Variants in HERC1 observed in about 807,000 individuals in gnomAD.
HERC1 encodes the protein probable E3 ubiquitin-protein ligase HERC1.
A neutral mutation model predicts 554.3 loss-of-function variants in HERC1; 160 were observed. The ratio of observed to expected loss-of-function variants is 0.29; its 90% CI spans 0.25 to 0.33. HERC1 has a LOEUF of 0.33. Among genes scored for constraint, HERC1 ranks in the 10% least tolerant of loss-of-function variants. The pLI, the probability that HERC1 is intolerant of heterozygous loss-of-function variation, is 1.00. For missense variants in HERC1, 4,919 were observed against 5,918.5 expected (o/e 0.83, Z 5.54); for synonymous variants, 2,175 against 2,131.7 (o/e 1.02, Z -0.56).
At position 63,638,581 on chromosome 15, in the gene HERC1, C is replaced by CAT. The variant is rs1404238846; in HGVS notation, c.11968-46_11968-45insAT. 3.1e-6 allele frequency: 5 copies of CAT among 1,613,078 alleles called. No homozygotes were observed. In the African/African-American group the frequency reaches 6.7e-5, roughly 22 times the overall value. ...TCAAAATTAGAGTCATCCATTCACT[C>CAT]AAACAGCCATGTACTACGTACCAAG... On this transcript the variant is annotated intron_variant, in intron 62 of 77. Coordinates refer to ENST00000443617, the MANE Select transcript of HERC1 (RefSeq NM_003922.4).
Position 63,758,128 on chromosome 15 carries a change from T to A in HERC1, c.1221+47A>T. 3 of 1,349,944 alleles carry A rather than the reference T, an allele frequency of 2.2e-6. No individual in the cohort carries two copies. Among genetic ancestry groups the A allele is most frequent in the Non-Finnish European group, 3.1e-6 (3 of 956,598 alleles). 83.6% of individuals were successfully genotyped at this position (1,349,944 alleles called of 1,614,324 possible). On this transcript the variant is annotated intron_variant, in intron 4 of 77. Coordinates refer to ENST00000443617, the MANE Select transcript of HERC1 (RefSeq NM_003922.4). The surrounding 1 kb of genome is among the most constrained non-coding windows in gnomAD (Gnocchi z 4.0). ...ATTATTTAATGCAAATAAGCATGAA[T>A]ATACACCAGATTATCTACCAGTTTG...
At chr15:63,631,196 C>T (rs759482009) in intron 68 of HERC1, among the ~76,000 whole-genome samples, 15 of 152,174 alleles carry the variant, frequency 9.9e-5, no homozygotes, top group Non-Finnish European at 1.8e-4. Flanking sequence ...TTGTCTTGTC[C>T]TCAAACTTCC....
At chr15:63,710,616 G>A (rs2073242988) in intron 24 of HERC1, among the ~76,000 whole-genome samples, 1 of 152,128 alleles carries the variant, frequency 6.6e-6, no homozygotes, top group African/African-American at 2.4e-5. Flanking sequence ...TACAGTAAGT[G>A]ATCGGTGCCC....
rs773725135 is a variant in HERC1 at position 63,753,021 on chromosome 15, T to G, written c.1839A>C (p.Gly613=). The G allele has an allele frequency of 2.7e-5, 43 of 1,613,474 alleles. No homozygotes were observed. Among genetic ancestry groups the G allele is most frequent in the African/African-American group, 4.0e-5 (3 of 74,920 alleles). ...CAGCACAAACTTTGCGAATGAACAT[T>G]CCTTGTAAAGCTTCAATAACTTTAG... ...YKPKVIEALQ[G]MFIRKVCAGS... Residue 613 remains glycine (G), a synonymous_variant, in exon 8 of 78, where the codon GGA becomes GGC. Transcript: ENST00000443617.
intron 71 of HERC1, among the ~76,000 whole-genome samples, chr15:63,624,803 A>G (rs1425566187): frequency 6.6e-6 from 1 of 152,372 alleles, no homozygotes; most frequent in Admixed American, 6.5e-5. Flanking sequence ...TTTTCTTCTG[A>G]TAAAATATAT....
chr15:63,828,600 A>C (rs1366211423), intron 1 of HERC1, among the ~76,000 whole-genome samples: 10 of 152,242 alleles, frequency 6.6e-5, no homozygotes, highest in Non-Finnish European at 1.5e-5. Flanking sequence ...CGGCCTCCCA[A>C]AGTGCTGGGA....
chr15:63,656,353 G>GA lies in HERC1; in HGVS notation c.9604dup (p.Ser3202PhefsTer4). The GA allele has an allele frequency of 6.2e-7, 1 of 1,605,824 alleles. No homozygotes were observed. The highest frequency in any genetic ancestry group is 8.5e-7 in the Non-Finnish European group (1 of 1,174,240). On this transcript the variant is annotated frameshift_variant, in exon 49 of 78. Coordinates refer to ENST00000443617, the MANE Select transcript of HERC1 (RefSeq NM_003922.4). LOFTEE classifies it high-confidence loss of function. Reference sequence around the variant, plus strand: ...AAGACCAGCAGCCAGGCTACAACTGGAACCACTGCCAGTAAAGAAAAACAT... The same window carrying GA: ...AAGACCAGCAGCCAGGCTACAACTGGAAACCACTGCCAGTAAAGAAAAACAT...
In HERC1 at chr15:63,655,960, A is replaced by G. The variant is rs779525626; in HGVS notation, c.9871-5T>C. On this transcript the variant is annotated splice_region_variant and splice_polypyrimidine_tract_variant and intron_variant, in intron 49 of 77. Transcript: ENST00000443617. ...TGTTGCAGCAGAAATCAAGTTCTGA[A>G]GAAGCAATTGGAAAAACAGACTTAA... The G allele has an allele frequency of 1.2e-6, 2 of 1,608,214 alleles. No homozygotes were observed. The highest frequency in any genetic ancestry group is 3.4e-5 in the Admixed American group (2 of 59,380).
chr15:63,716,495 T>G, intron 21 of HERC1, 22 bp from the exon 22 acceptor site: 9 of 1,535,668 alleles, frequency 5.9e-6, no homozygotes, highest in Non-Finnish European at 7.9e-6. Flanking sequence ...TATCAGAAAC[T>G]ACACTAAATA....
chr15:63,748,722 T>C (rs1053259052), intron 10 of HERC1, among the ~76,000 whole-genome samples: 2 of 152,196 alleles, frequency 1.3e-5, no homozygotes, highest in African/African-American at 2.4e-5. Flanking sequence ...TAGAGTATCA[T>C]TTTAAAACCC....
chr15:63,764,378 G>A (rs2075706888), intron 2 of HERC1, among the ~76,000 whole-genome samples, 187 bp from the exon 3 acceptor site: 1 of 152,170 alleles, frequency 6.6e-6, no homozygotes, highest in African/African-American at 2.4e-5. Context: ...AAACGAGCTG[G>A]CTACTGCATC....
chr15:63,622,350 T>A (rs2068116455), intron 74 of HERC1, among the ~76,000 whole-genome samples: 1 of 127,580 alleles, frequency 7.8e-6, no homozygotes, highest in African/African-American at 3.0e-5. Context: ...TTTTTTGAGA[T>A]GTGGTCTCGC....
At chr15:63,675,260 AAC>A (rs1304167329) in intron 37 of HERC1, 143 bp from the exon 38 acceptor site, 1 of 629,936 alleles carries the variant, frequency 1.6e-6, no homozygotes, top group Non-Finnish European at 2.5e-6. Context: ...AATCATTACA[AAC>A]ACAGAGAAAA....
At chr15:63,615,658 A>G (rs1389366049) in intron 76 of HERC1, 110 bp downstream of exon 76, 1 of 707,538 alleles carries the variant, frequency 1.4e-6, no homozygotes, top group Non-Finnish European at 2.2e-6. Context: ...ATACATACAG[A>G]GGAATTAACA....
chr15:63,808,673 G>A (rs371089836), intron 1 of HERC1, among the ~76,000 whole-genome samples: 5 of 152,256 alleles, frequency 3.3e-5, no homozygotes, highest in African/African-American at 7.2e-5. Flanking sequence ...AGTCTGTTAC[G>A]GTAATAGATA....
chr15:63,747,978 C>G, intron 10 of HERC1, 120 bp from the exon 11 acceptor site: 1 of 965,266 alleles, frequency 1.0e-6, no homozygotes. Context: ...GTAATCCTAG[C>G]ACTTTGGGAG....
intron 57 of HERC1, 31 bp downstream of exon 57, chr15:63,644,961 C>T (rs950562060): frequency 1.3e-6 from 2 of 1,486,482 alleles, no homozygotes; most frequent in Admixed American, 1.7e-5. Context: ...TCCATAGTTT[C>T]AGACAGTCTT....
intron 68 of HERC1, among the ~76,000 whole-genome samples, chr15:63,630,896 G>C (rs1336034536): frequency 2.0e-5 from 3 of 152,188 alleles, no homozygotes; most frequent in Admixed American, 6.5e-5. Context: ...TCGGTAACTT[G>C]TTTCAAAATA....
At chr15:63,786,051 C>T (rs1429951588) in intron 1 of HERC1, among the ~76,000 whole-genome samples, 1 of 151,106 alleles carries the variant, frequency 6.6e-6, no homozygotes, top group Non-Finnish European at 1.5e-5. Flanking sequence ...AATCAGCTAA[C>T]AAAATTAAGA....
Sources: gnomAD v4.1 joint callset for allele counts (sites outside exome capture counted in the v4.1 genomes callset) on GRCh38, gnomAD v4.1.1 for gene constraint, Gnocchi (gnomAD v3.1) non-coding constraint, MANE v1.5 for transcripts, NCBI Gene and HGNC (gene_info 2026-07-23, HGNC 2026-07-21) for gene names.